PAN3: variants seen among roughly 807,000 people sequenced by gnomAD.
The protein encoded by PAN3 is poly(A) specific ribonuclease subunit PAN3, also known as PAN2-PAN3 deadenylation complex subunit PAN3.
PAN3 carries 19 observed loss-of-function variants against 96.2 expected under a neutral mutation model. The observed-to-expected ratio is 0.20, with a 90% CI of 0.14 to 0.29. The LOEUF is 0.29. PAN3 is among the 10% of genes least tolerant of loss of function. The pLI, the probability that PAN3 is intolerant of heterozygous loss-of-function variation, is 1.00. For synonymous variants in PAN3, 433 were observed against 406.6 expected (o/e 1.06, Z -0.78); for missense variants, 882 against 1,108.1 (o/e 0.80, Z 2.90).
chr13:28,142,994 T>C (rs1870066075), intron 1 of PAN3, among the ~76,000 whole-genome samples: 1 of 152,214 alleles, frequency 6.6e-6, no homozygotes, highest in African/African-American at 2.4e-5. Flanking sequence ...GAGAAAACTT[T>C]ATCTTTATTT....
At chr13:28,211,016 T>C (rs765518458) in intron 5 of PAN3, among the ~76,000 whole-genome samples, 1 of 152,128 alleles carries the variant, frequency 6.6e-6, no homozygotes, top group African/African-American at 2.4e-5. Context: ...GCAGTTCTCC[T>C]GAATAGCTGG....
intron 4 of PAN3, among the ~76,000 whole-genome samples, chr13:28,196,911 AGTC>A (rs1486993600): frequency 2.0e-5 from 3 of 152,226 alleles, no homozygotes; most frequent in African/African-American, 7.2e-5. Flanking sequence ...CATTAAGTAA[AGTC>A]GTATAAAATC....
At position 28,138,606 on chromosome 13, in the gene PAN3, TGGC is replaced by T. The variant is rs139276478; in HGVS notation, c.-42_-40del. ...TCCTTTCCTCCCCCGTCTATGGTGG[TGGC>T]GGCGGCGGCTCCTCGGGCGGCGGCG... is the stretch of plus-strand genomic sequence containing the variant. On this transcript the variant is annotated 5_prime_UTR_variant, in exon 1 of 19. Coordinates refer to ENST00000380958, the MANE Select transcript of PAN3 (RefSeq NM_175854.8). 4 of 471,232 alleles carry T rather than the reference TGGC, an allele frequency of 8.5e-6. No individual in the cohort carries two copies. The highest frequency in any genetic ancestry group is 4.0e-5 in the South Asian group (1 of 25,086). 29.2% of individuals were successfully genotyped at this position (471,232 alleles called of 1,614,324 possible). A position where few individuals can be genotyped will look rare whatever the true frequency, so the allele number is the denominator to read the frequency against.
At chr13:28,142,264 G>A (rs547316256) in intron 1 of PAN3, among the ~76,000 whole-genome samples, 1 of 152,136 alleles carries the variant, frequency 6.6e-6, no homozygotes, top group Non-Finnish European at 1.5e-5. Flanking sequence ...TACACTTATT[G>A]TTCATTTTTT....
intron 7 of PAN3, among the ~76,000 whole-genome samples, chr13:28,259,660 C>T (rs1008980828): frequency 1.3e-5 from 2 of 150,510 alleles, no homozygotes; most frequent in East Asian, 2.0e-4. Context: ...TTTATTGAGA[C>T]GGGGTTTCAT....
chr13:28,270,676 T>A, intron 12 of PAN3, 25 bp from the exon 13 acceptor site: 2 of 1,595,268 alleles, frequency 1.3e-6, no homozygotes, highest in Non-Finnish European at 1.7e-6. Context: ...TAAGATGTCA[T>A]TTTTTGGATT....
intron 6 of PAN3, among the ~76,000 whole-genome samples, chr13:28,235,915 G>A (rs997501670): frequency 6.7e-6 from 1 of 150,138 alleles, no homozygotes; most frequent in African/African-American, 2.5e-5. Context: ...TGGAGTTGTG[G>A]TTGCTACAGG....
intron 6 of PAN3, among the ~76,000 whole-genome samples, chr13:28,247,447 C>T (rs1334535463): frequency 6.6e-6 from 1 of 152,000 alleles, no homozygotes; most frequent in African/African-American, 2.4e-5. Flanking sequence ...AATATAGTCC[C>T]ATTTGTCTAT....
chr13:28,270,909 A>G lies in PAN3; in HGVS notation c.1958+43A>G, dbSNP rs987256540. 5.2e-6 allele frequency: 8 copies of G among 1,552,830 alleles called. No individual in the cohort carries two copies. The Admixed American group carries it at 1.0e-4, about 20-fold the overall frequency. On this transcript the variant is annotated intron_variant, in intron 13 of 18. Coordinates refer to ENST00000380958, the MANE Select transcript of PAN3 (RefSeq NM_175854.8). Reference sequence around the variant, plus strand: ...TTTGGTTTCTTTTATTGAGCGTCTTACCTTTGACAGCTTAGTAAACAAAAC... The same window carrying G: ...TTTGGTTTCTTTTATTGAGCGTCTTGCCTTTGACAGCTTAGTAAACAAAAC...
intron 1 of PAN3, 43 bp downstream of exon 1, chr13:28,139,130 A>C: frequency 1.6e-6 from 2 of 1,269,448 alleles, no homozygotes; most frequent in South Asian, 2.7e-5. Flanking sequence ...GGCGGAGGGC[A>C]GGCCTGGGCC....
At chr13:28,244,841 G>A (rs145904561) in intron 6 of PAN3, among the ~76,000 whole-genome samples, 1 of 150,900 alleles carries the variant, frequency 6.6e-6, no homozygotes, top group African/African-American at 2.4e-5. Flanking sequence ...TTTTTATTTT[G>A]TTTTATTTTA....
At chr13:28,245,517 C>T (rs1884096240) in intron 6 of PAN3, among the ~76,000 whole-genome samples, 1 of 151,556 alleles carries the variant, frequency 6.6e-6, no homozygotes, top group Non-Finnish European at 1.5e-5. Context: ...TTAATTTTTT[C>T]ATTGAGATAT....
At chr13:28,184,418 A>C (rs1876198455) in intron 4 of PAN3, among the ~76,000 whole-genome samples, 1 of 152,214 alleles carries the variant, frequency 6.6e-6, no homozygotes, top group Admixed American at 6.5e-5. Flanking sequence ...ACATAGGGCA[A>C]TATGAGAAGG....
At chr13:28,161,778 GT>G (rs1204424931) in intron 1 of PAN3, among the ~76,000 whole-genome samples, 1 of 152,202 alleles carries the variant, frequency 6.6e-6, no homozygotes, top group Non-Finnish European at 1.5e-5. Context: ...ATTAATTGCT[GT>G]TTTCTGACAG....
intron 1 of PAN3, among the ~76,000 whole-genome samples, chr13:28,154,913 C>G (rs749436987): frequency 2.6e-4 from 39 of 150,686 alleles, no homozygotes; most frequent in Non-Finnish European, 5.2e-4. Flanking sequence ...CTCCACCTCC[C>G]GGGTTCACGC....
intron 6 of PAN3, among the ~76,000 whole-genome samples, chr13:28,241,934 C>G (rs1292788744): frequency 6.6e-6 from 1 of 152,144 alleles, no homozygotes; most frequent in Non-Finnish European, 1.5e-5. Flanking sequence ...AATTTCTAAT[C>G]TAAATCATTA....
intron 12 of PAN3, among the ~76,000 whole-genome samples, chr13:28,270,487 T>A (rs1175708178): frequency 6.6e-6 from 1 of 152,248 alleles, no homozygotes; most frequent in Non-Finnish European, 1.5e-5. Flanking sequence ...GTGAGAGCCC[T>A]ATTGCTGGTA....
intron 18 of PAN3, among the ~76,000 whole-genome samples, chr13:28,289,933 A>G (rs1381501350): frequency 6.6e-6 from 1 of 152,208 alleles, no homozygotes; most frequent in Admixed American, 6.5e-5. Flanking sequence ...AGAGAAAAGA[A>G]AGAAGACAGT....
intron 5 of PAN3, among the ~76,000 whole-genome samples, chr13:28,204,440 T>C (rs1411724129): frequency 6.6e-6 from 1 of 152,232 alleles, no homozygotes; most frequent in African/African-American, 2.4e-5. Flanking sequence ...ATAATAGATA[T>C]TAAATAAATG....
Sources: allele counts gnomAD v4.1 joint callset (sites outside exome capture counted in the v4.1 genomes callset), GRCh38; gene constraint gnomAD v4.1.1; transcripts MANE v1.5; gene names NCBI Gene and HGNC (gene_info 2026-07-23, HGNC 2026-07-21).